CEP89: variants seen among roughly 807,000 people sequenced by gnomAD.
CEP89 encodes the protein centrosomal protein of 89 kDa.
Under a neutral mutation model 97.6 loss-of-function variants are expected in CEP89, and 95 were observed. The ratio of observed to expected loss-of-function variants is 0.97; its 90% CI spans 0.82 to 1.15. CEP89 has a LOEUF of 1.15. CEP89 is among the 50% of genes most tolerant of loss of function. The pLI, the probability that CEP89 is intolerant of heterozygous loss-of-function variation, is 0.00. For synonymous variants in CEP89, 354 were observed against 349.1 expected, an observed-to-expected ratio of 1.01 and a Z score of -0.16; for missense variants, 869 against 947.7, an observed-to-expected ratio of 0.92 and a Z score of 1.09.
intron 3 of CEP89, among the ~76,000 whole-genome samples, chr19:32,958,271 T>C (rs2145966617): frequency 6.6e-6 from 1 of 152,228 alleles, no homozygotes; most frequent in South Asian, 2.1e-4. Context: ...ATACATTAAG[T>C]ATTTATATAA....
chr19:32,926,329 GA>G, intron 10 of CEP89, 56 bp from the exon 11 acceptor site: 1 of 1,273,050 alleles, frequency 7.9e-7, no homozygotes. Context: ...AACACAACCA[GA>G]AAATTTTTAA....
chr19:32,929,832 G>A (rs1391380924), intron 9 of CEP89, among the ~76,000 whole-genome samples: 1 of 152,110 alleles, frequency 6.6e-6, no homozygotes, highest in Non-Finnish European at 1.5e-5. Flanking sequence ...TTAGTATTAT[G>A]TTAAGTGAAA....
At position 32,937,634 on chromosome 19, in the gene CEP89, G is replaced by A. The variant is rs781656593; in HGVS notation, c.664C>T (p.Pro222Ser). The A allele has an allele frequency of 1.9e-6, 3 of 1,602,050 alleles. No individual in the cohort carries two copies. The South Asian group carries it at 3.3e-5, about 18-fold the overall frequency. Residue 222 changes from proline to serine, a missense_variant, in exon 7 of 19, where the codon CCA becomes TCA. Transcript: ENST00000305768. ...PPLCEKPPPS[P>S]DITGRARQRY... is the part of the protein sequence containing the mutation. ...ATATAATTCAAAAGGCAAATACCTG[G>A]GGAGGGTGGAGGTTTCTCACATAAT...
At chr19:32,959,078 G>A (rs533467193) in intron 3 of CEP89, among the ~76,000 whole-genome samples, 2 of 150,936 alleles carry the variant, frequency 1.3e-5, no homozygotes, top group Non-Finnish European at 3.0e-5. Flanking sequence ...ATGTGATCGT[G>A]GATCCCTACT....
At position 32,879,327 on chromosome 19, in the gene CEP89, G is replaced by A; in HGVS notation, c.2187C>T (p.Asn729=). 6.2e-7 allele frequency: 1 copy of A among 1,614,276 alleles called. No individual in the cohort carries two copies. The highest frequency in any genetic ancestry group is 8.5e-7 in the Non-Finnish European group (1 of 1,180,056). ...EVIWESTFRE[N]RRIRELLQDT... Reference sequence around the variant, plus strand: ...CCTGGAGAAGTTCTCGGATTCTTCGGTTTTCCCTGAAGGTAGATTCCCAAA... The same window carrying A: ...CCTGGAGAAGTTCTCGGATTCTTCGATTTTCCCTGAAGGTAGATTCCCAAA... The change falls in exon 19 of 19, where the codon AAC becomes AAT. Residue 729 remains asparagine, a synonymous_variant. Transcript: ENST00000305768.
In CEP89 at chr19:32,887,838, T is replaced by G; in HGVS notation, c.1879A>C (p.Lys627Gln). 1 of 1,600,322 alleles carries G rather than the reference T, an allele frequency of 6.2e-7. No homozygotes were observed. The highest frequency in any genetic ancestry group is 1.1e-5 in the South Asian group (1 of 90,152). ...CCATCCTTCTCACTTTCTAAACATT[T>G]TGCCTAGGGAGAAGGGTGATAAATG... is the stretch of plus-strand genomic sequence containing the variant. Reference protein sequence around the residue: ...QERDSLMCLAKCLESEKDGVL... With the variant: ...QERDSLMCLAQCLESEKDGVL... Residue 627 changes from lysine (K) to glutamine (Q), a missense_variant, in exon 17 of 19, where the codon AAA (lysine) becomes CAA (glutamine). By Grantham distance (53) the Lys-to-Gln change is moderately conservative. Coordinates refer to ENST00000305768, the MANE Select transcript of CEP89 (RefSeq NM_032816.5).
intron 16 of CEP89, among the ~76,000 whole-genome samples, chr19:32,898,069 A>T (rs2145883916): frequency 6.6e-6 from 1 of 152,372 alleles, no homozygotes; most frequent in South Asian, 2.1e-4. Context: ...TCAAAGGGAT[A>T]TCTACACCCC....
At chr19:32,898,998 A>G (rs1193382448) in intron 16 of CEP89, among the ~76,000 whole-genome samples, 2 of 151,948 alleles carry the variant, frequency 1.3e-5, no homozygotes, top group African/African-American at 4.8e-5. Flanking sequence ...CCACATGTGC[A>G]TGTAAATATA....
chr19:32,948,819 C>T (rs1020812805), intron 4 of CEP89, among the ~76,000 whole-genome samples: 6 of 152,080 alleles, frequency 3.9e-5, no homozygotes, highest in Admixed American at 6.6e-5. Context: ...TGACTTCCCA[C>T]GTGCAAGCGA....
At chr19:32,948,461 C>T (rs1970844295) in intron 4 of CEP89, 93 bp from the exon 5 acceptor site, 1 of 699,720 alleles carries the variant, frequency 1.4e-6, no homozygotes, top group South Asian at 2.2e-5. Context: ...ATCTTTCAAA[C>T]CTTCCCCACT....
intron 9 of CEP89, among the ~76,000 whole-genome samples, chr19:32,927,631 G>T (rs1056230852): frequency 6.6e-6 from 1 of 151,886 alleles, no homozygotes; most frequent in Non-Finnish European, 1.5e-5. Flanking sequence ...CTGAGACAGG[G>T]TCTCATTCCA....
intron 16 of CEP89, among the ~76,000 whole-genome samples, chr19:32,895,222 T>C (rs924690406): frequency 2.4e-4 from 36 of 152,030 alleles, no homozygotes; most frequent in African/African-American, 8.7e-4. Flanking sequence ...TGCAAAATCC[T>C]CAACAAAATA....
At chr19:32,938,906 C>T (rs1230843933) in intron 6 of CEP89, among the ~76,000 whole-genome samples, 7 of 152,068 alleles carry the variant, frequency 4.6e-5, no homozygotes, top group Admixed American at 6.6e-5. Flanking sequence ...GCCGAGACTG[C>T]GCCACTGCAC....
intron 8 of CEP89, among the ~76,000 whole-genome samples, chr19:32,933,107 T>A (rs144183739): frequency 6.6e-6 from 1 of 152,178 alleles, no homozygotes; most frequent in Admixed American, 6.5e-5. Flanking sequence ...AATATAATCA[T>A]TGGTAAGTCT....
At chr19:32,946,671 C>G (rs1048645234) in intron 5 of CEP89, among the ~76,000 whole-genome samples, 13 of 152,014 alleles carry the variant, frequency 8.6e-5, no homozygotes, top group African/African-American at 2.9e-4. Flanking sequence ...GGCGGTTTCC[C>G]CCATACTGTT....
At chr19:32,913,654 T>C (rs187159651) in intron 14 of CEP89, among the ~76,000 whole-genome samples, 121 of 151,538 alleles carry the variant, frequency 8.0e-4, no homozygotes, top group African/African-American at 2.5e-3. Flanking sequence ...TTTTTTTTTT[T>C]TGAGACAAAG....
In CEP89 at chr19:32,916,310, T is replaced by C. The variant is rs535967877; in HGVS notation, c.1385-793A>G. 2.6e-5 allele frequency among the ~76,000 whole-genome samples: 4 copies of C among 152,150 alleles called. No individual in the cohort carries two copies. In the South Asian group the frequency reaches 8.3e-4, roughly 32 times the overall value. On this transcript the variant is annotated intron_variant, in intron 13 of 18. Coordinates refer to ENST00000305768, the MANE Select transcript of CEP89 (RefSeq NM_032816.5). ...AAAAACCAAAAAAGCCAAAAGAAAT[T>C]ACTATCTCTACATTAAGCACTCACT...
chr19:32,902,690 G>C (rs1408308794), intron 14 of CEP89, among the ~76,000 whole-genome samples: 1 of 152,160 alleles, frequency 6.6e-6, no homozygotes, highest in African/African-American at 2.4e-5. Flanking sequence ...AGAGATCCAA[G>C]AGCAGGAAGG....
intron 1 of CEP89, chr19:32,969,101 G>A (rs1971344485): frequency 6.6e-6 from 1 of 152,192 alleles, no homozygotes; most frequent in African/African-American, 2.4e-5. Context: ...GCAGCAGAGT[G>A]TAGCTCCTCT....
Sources: allele counts gnomAD v4.1 joint callset (sites outside exome capture counted in the v4.1 genomes callset), GRCh38; gene constraint gnomAD v4.1.1; transcripts MANE v1.5; gene names NCBI Gene and HGNC (gene_info 2026-07-23, HGNC 2026-07-21).